The following NEBL variants were observed in gnomAD, a reference collection of about 807,000 sequenced individuals.
NEBL encodes the protein nebulette, also known as LIM and SH3 protein 2.
In NEBL, 122 loss-of-function variants were observed where a neutral mutation model predicts 140.2. That is an observed-to-expected ratio of 0.87 (90% CI 0.75 to 1.01). The LOEUF is 1.01. Among genes scored for constraint, NEBL ranks in the 50% least tolerant of loss-of-function variants. NEBL has a pLI of 0.00. For synonymous variants in NEBL, 436 were observed against 398.9 expected (o/e 1.09, Z -1.11); for missense variants, 1,365 against 1,231.3 (o/e 1.11, Z -1.62).
intron 2 of NEBL, among the ~76,000 whole-genome samples, chr10:21,126,762 C>G (rs2132058741): frequency 6.6e-6 from 1 of 151,992 alleles, no homozygotes; most frequent in Middle Eastern, 3.4e-3. Context: ...TCATGAGGGT[C>G]AGGACTTTGA....
At chr10:21,140,071 G>A (rs543750598) in intron 2 of NEBL, among the ~76,000 whole-genome samples, 9 of 151,942 alleles carry the variant, frequency 5.9e-5, no homozygotes, top group Non-Finnish European at 1.3e-4. Context: ...TGAGGCACGA[G>A]AATCACTTGA....
At chr10:20,815,814 G>T in intron 21 of NEBL, 97 bp from the exon 22 acceptor site, 1 of 879,444 alleles carries the variant, frequency 1.1e-6, no homozygotes, top group Non-Finnish European at 1.9e-6. Context: ...TGTCACCCAG[G>T]CTGAAGTGCA....
intron 2 of NEBL, among the ~76,000 whole-genome samples, chr10:21,141,636 A>T (rs1839636520): frequency 6.6e-6 from 1 of 152,246 alleles, no homozygotes. Context: ...AGAAACACAA[A>T]AAAGATGGTT....
chr10:21,171,332 T>C (rs1403380232), intron 2 of NEBL, among the ~76,000 whole-genome samples: 1 of 119,556 alleles, frequency 8.4e-6, no homozygotes, highest in East Asian at 2.3e-4. Context: ...CAAACTTCTG[T>C]CTCAAAAAAA....
intron 3 of NEBL, among the ~76,000 whole-genome samples, chr10:20,970,199 C>T (rs536108988): frequency 1.7e-4 from 26 of 152,218 alleles, no homozygotes; most frequent in African/African-American, 6.0e-4. Context: ...GGAAGCCCAG[C>T]GGATAAGCTG....
In NEBL at chr10:20,889,744, T is replaced by C. The variant is rs923520796; in HGVS notation, c.258+101A>G. ...AGCTATTACTAACATTCAGTAGTGC[T>C]TTTGAAAATATTATTCTTCATCTCT... On this transcript the variant is annotated intron_variant, in intron 3 of 27. Coordinates refer to ENST00000377122, the MANE Select transcript of NEBL (RefSeq NM_006393.3). The C allele has an allele frequency of 7.7e-6, 6 of 780,852 alleles. No individual in the cohort carries two copies. The Admixed American group carries it at 9.9e-5, about 13-fold the overall frequency. 48.4% of individuals were successfully genotyped at this position (780,852 alleles called of 1,614,324 possible). A position where few individuals can be genotyped will look rare whatever the true frequency, so the allele number is the denominator to read the frequency against.
At chr10:20,793,843 A>T (rs1304335709) in intron 26 of NEBL, among the ~76,000 whole-genome samples, 1 of 152,206 alleles carries the variant, frequency 6.6e-6, no homozygotes, top group Admixed American at 6.5e-5. Context: ...GGAGTGAGCC[A>T]CTGTGTCTGG....
intron 23 of NEBL, 78 bp from the exon 24 acceptor site, chr10:20,813,018 TA>T (rs1282087366): frequency 3.9e-5 from 47 of 1,190,222 alleles, no homozygotes; most frequent in Non-Finnish European, 5.7e-5. Context: ...ATGACAGGTG[TA>T]CACTGCACTG....
chr10:20,965,982 T>C (rs1178638123), intron 3 of NEBL, among the ~76,000 whole-genome samples: 1 of 152,196 alleles, frequency 6.6e-6, no homozygotes, highest in Admixed American at 6.5e-5. Context: ...GTGCCATACC[T>C]GGGAAGTAAC....
intron 2 of NEBL, among the ~76,000 whole-genome samples, chr10:21,134,302 C>T (rs150545228): frequency 1.3e-5 from 2 of 151,810 alleles, no homozygotes; most frequent in Non-Finnish European, 2.9e-5. Flanking sequence ...TGAATTAAGT[C>T]ATGTCCTACT....
At chr10:20,920,071 G>A (rs1295006415) in intron 4 of NEBL, among the ~76,000 whole-genome samples, 8 of 152,142 alleles carry the variant, frequency 5.3e-5, no homozygotes, top group African/African-American at 1.9e-4. Flanking sequence ...CTTCTTACTG[G>A]TGATAAGAGA....
At chr10:20,923,299 C>T (rs898513227) in intron 4 of NEBL, among the ~76,000 whole-genome samples, 1 of 152,112 alleles carries the variant, frequency 6.6e-6, no homozygotes, top group African/African-American at 2.4e-5. Flanking sequence ...AACCCCTGGG[C>T]TCAAGCAATC....
chr10:20,942,742 G>GA (rs1386731821), intron 4 of NEBL, among the ~76,000 whole-genome samples: 1 of 151,954 alleles, frequency 6.6e-6, no homozygotes, highest in Non-Finnish European at 1.5e-5. Context: ...CAATGTACAA[G>GA]AAAAAAACAA....
intron 2 of NEBL, among the ~76,000 whole-genome samples, chr10:21,101,327 C>T (rs1277186241): frequency 6.6e-6 from 1 of 152,248 alleles, no homozygotes; most frequent in Non-Finnish European, 1.5e-5. Flanking sequence ...GGTAAGACTT[C>T]ATGCCCAGAT....
chr10:21,062,215 A>C (rs533890183), intron 2 of NEBL, among the ~76,000 whole-genome samples: 1 of 152,342 alleles, frequency 6.6e-6, no homozygotes, highest in East Asian at 1.9e-4. Flanking sequence ...AATTCTTAGC[A>C]ACTGAGCTAA....
rs753705857 is a variant in NEBL at position 20,828,499 on chromosome 10, T to C, written c.1776+31A>G. 2.8e-6 allele frequency: 4 copies of C among 1,411,118 alleles called. No homozygotes were observed. In the Admixed American group the frequency reaches 5.0e-5, roughly 18 times the overall value. 87.4% of individuals were successfully genotyped at this position (1,411,118 alleles called of 1,614,324 possible). Reference sequence around the variant, plus strand: ...TTTCTTACAAAACAAAATTTCAAGGTGGCAACTTAAAAGAAGTAATGGCTA... The same window carrying C: ...TTTCTTACAAAACAAAATTTCAAGGCGGCAACTTAAAAGAAGTAATGGCTA... On this transcript the variant is annotated intron_variant, in intron 17 of 27. Transcript: ENST00000377122.
Position 21,173,502 on chromosome 10 carries a change from G to C in NEBL, c.69+263C>G, listed in dbSNP as rs1253840492. 6.6e-6 allele frequency among the ~76,000 whole-genome samples: 1 copy of C among 152,034 alleles called. No homozygotes were observed. The highest frequency in any genetic ancestry group is 2.0e-4 in the East Asian group (1 of 5,078). ...CCGGGGTCCGGGGCTGCGCACCGCC[G>C]TGCGCCCTCCGCAGAGGCTCTGCCG... On this transcript the variant is annotated intron_variant, in intron 1 of 6. Coordinates refer to the NEBL transcript ENST00000417816. The surrounding 1 kb of genome is among the most constrained non-coding windows in gnomAD (Gnocchi z 5.7).
chr10:20,851,646 G>A (rs895916000), intron 10 of NEBL, among the ~76,000 whole-genome samples: 11 of 151,422 alleles, frequency 7.3e-5, no homozygotes, highest in Admixed American at 3.3e-4. Context: ...TTAGCCAGGC[G>A]TGGTGGCATG....
intron 3 of NEBL, among the ~76,000 whole-genome samples, chr10:21,224,788 A>C (rs1394967345): frequency 6.6e-6 from 1 of 152,094 alleles, no homozygotes; most frequent in Admixed American, 6.6e-5. Context: ...TTACTTTCTT[A>C]ATTTCTTTTT....
Sources: allele counts gnomAD v4.1 joint callset (sites outside exome capture counted in the v4.1 genomes callset), GRCh38; gene constraint gnomAD v4.1.1; non-coding constraint Gnocchi (gnomAD v3.1); transcripts MANE v1.5; gene names NCBI Gene and HGNC (gene_info 2026-07-23, HGNC 2026-07-21).